The following ITGA9 variants were observed in gnomAD, a reference collection of about 807,000 sequenced individuals.
ITGA9 encodes the protein integrin alpha-9.
ITGA9 carries 56 observed loss-of-function variants against 127.8 expected under a neutral mutation model. The observed-to-expected ratio is 0.44, with a 90% CI of 0.35 to 0.55. ITGA9 has a LOEUF of 0.55. Ranked by LOEUF, ITGA9 falls within the 20% of genes least tolerant of loss-of-function variation. ITGA9 has a pLI of 0.00. For missense variants in ITGA9, 1,196 were observed against 1,347.1 expected (o/e 0.89, Z 1.76); for synonymous variants, 508 against 514.5 (o/e 0.99, Z 0.17).
At chr3:37,682,272 A>C (rs556527499) in intron 17 of ITGA9, among the ~76,000 whole-genome samples, 1 of 152,154 alleles carries the variant, frequency 6.6e-6, no homozygotes, top group Non-Finnish European at 1.5e-5. Flanking sequence ...CTTTCCTCCC[A>C]TCGTGCCACT....
At chr3:37,573,311 G>C (rs1399877465) in intron 15 of ITGA9, 1 of 152,190 alleles carries the variant, frequency 6.6e-6, no homozygotes, top group East Asian at 1.9e-4. Flanking sequence ...TTCTCATTCA[G>C]ATTCGTGATT....
In ITGA9 at chr3:37,732,812, A is replaced by G. The variant is rs757089026; in HGVS notation, c.2154+14A>G. The G allele has an allele frequency of 6.9e-6, 11 of 1,587,548 alleles. No homozygotes were observed. Among genetic ancestry groups the G allele is most frequent in the Non-Finnish European group, 8.6e-6 (10 of 1,161,464 alleles). On this transcript the variant is annotated intron_variant, in intron 19 of 27. Transcript: ENST00000264741. The stretch of plus-strand genomic sequence containing the variant: ...TCAAAGTCAAAGGTAAGGGACACAG[A>G]CGGGACCCTTCCTCAGCAGCAGGCC...
chr3:37,535,324 A>G (rs1345233354), intron 14 of ITGA9, among the ~76,000 whole-genome samples: 1 of 152,264 alleles, frequency 6.6e-6, no homozygotes, highest in African/African-American at 2.4e-5. Flanking sequence ...ACCAAGATGC[A>G]AGTTAGAGCA....
intron 23 of ITGA9, among the ~76,000 whole-genome samples, chr3:37,752,036 A>C (rs369446155): frequency 1.3e-5 from 2 of 152,320 alleles, no homozygotes; most frequent in East Asian, 1.9e-4. Context: ...CAAGAGTAGA[A>C]GCATAAAAGC....
intron 23 of ITGA9, among the ~76,000 whole-genome samples, chr3:37,764,263 A>G (rs754719822): frequency 1.3e-5 from 2 of 152,004 alleles, no homozygotes; most frequent in East Asian, 1.9e-4. Context: ...TGCTCTCTCC[A>G]TATTCTCCAA....
At chr3:37,573,529 G>C (rs1194510738) in intron 15 of ITGA9, among the ~76,000 whole-genome samples, 1 of 152,144 alleles carries the variant, frequency 6.6e-6, no homozygotes, top group African/African-American at 2.4e-5. Flanking sequence ...GTGTCCCACA[G>C]GTGCATGGTT....
At chr3:37,682,376 A>G (rs1287638688) in intron 17 of ITGA9, among the ~76,000 whole-genome samples, 1 of 152,214 alleles carries the variant, frequency 6.6e-6, no homozygotes, top group Non-Finnish European at 1.5e-5. Flanking sequence ...TGTCTGCCAT[A>G]TTGGACAAAA....
chr3:37,693,717 A>G (rs1700855576), intron 18 of ITGA9, among the ~76,000 whole-genome samples: 1 of 152,184 alleles, frequency 6.6e-6, no homozygotes, highest in African/African-American at 2.4e-5. Flanking sequence ...CAGGAGAACA[A>G]AGCAAATTGT....
At chr3:37,767,102 G>A (rs1696788323) in intron 23 of ITGA9, among the ~76,000 whole-genome samples, 1 of 152,220 alleles carries the variant, frequency 6.6e-6, no homozygotes, top group South Asian at 2.1e-4. Flanking sequence ...AAAGGAAGAG[G>A]GAGGAGGGGA....
intron 17 of ITGA9, among the ~76,000 whole-genome samples, chr3:37,656,240 A>T (rs1275510240): frequency 6.6e-6 from 1 of 152,118 alleles, no homozygotes; most frequent in Non-Finnish European, 1.5e-5. Context: ...AAAGTCAGTT[A>T]TAGCTTGATG....
intron 16 of ITGA9, among the ~76,000 whole-genome samples, chr3:37,639,285 T>C (rs1043818919): frequency 5.9e-5 from 9 of 152,200 alleles, no homozygotes; most frequent in Non-Finnish European, 1.3e-4. Flanking sequence ...AAGACCTCGA[T>C]GAAAAAATAA....
At chr3:37,733,014 T>A in intron 19 of ITGA9, 1 of 567,978 alleles carries the variant, frequency 1.8e-6, no homozygotes, top group Non-Finnish European at 3.2e-6. Context: ...TCTCTTCGAT[T>A]CACATGATGT....
At chr3:37,772,796 C>T (rs1696859969) in intron 23 of ITGA9, among the ~76,000 whole-genome samples, 1 of 152,142 alleles carries the variant, frequency 6.6e-6, no homozygotes. Flanking sequence ...TAACCACAGT[C>T]GGGAGCACAA....
Position 37,680,418 on chromosome 3 carries a change from T to C in ITGA9, c.1917-3447T>C, listed in dbSNP as rs185689702. 3.1e-3 allele frequency among the ~76,000 whole-genome samples: 468 copies of C among 152,326 alleles called. 4 individuals carry two copies. Among genetic ancestry groups the C allele is most frequent in the Middle Eastern group, 0.01 (3 of 294 alleles). ...TCTGCCCTGGAAGTTGCCTGGCTGC[T>C]TCCCTTAATCACAGAGCCTTGTTTG... is the stretch of plus-strand genomic sequence containing the variant. On this transcript the variant is annotated intron_variant, in intron 17 of 27. Coordinates refer to ENST00000264741, the MANE Select transcript of ITGA9 (RefSeq NM_002207.3).
At chr3:37,528,179 G>T (rs2125584584) in intron 13 of ITGA9, among the ~76,000 whole-genome samples, 1 of 152,312 alleles carries the variant, frequency 6.6e-6, no homozygotes, top group South Asian at 2.1e-4. Flanking sequence ...TCTTCCTGCT[G>T]TGAGCTTAAT....
At chr3:37,519,872 T>C (rs1699027063) in intron 11 of ITGA9, among the ~76,000 whole-genome samples, 1 of 152,130 alleles carries the variant, frequency 6.6e-6, no homozygotes, top group African/African-American at 2.4e-5. Flanking sequence ...CAGCTTGGTG[T>C]TCAATCTTGC....
intron 24 of ITGA9, among the ~76,000 whole-genome samples, chr3:37,778,438 T>C (rs931064716): frequency 6.6e-6 from 1 of 151,968 alleles, no homozygotes; most frequent in African/African-American, 2.4e-5. Context: ...GCCAACATGG[T>C]GAAACCCTGT....
intron 26 of ITGA9, among the ~76,000 whole-genome samples, chr3:37,793,389 AACACACACACACACACACACACACAC>A (rs10575371): frequency 7.4e-6 from 1 of 134,458 alleles, no homozygotes; most frequent in Admixed American, 7.7e-5. Context: ...CAAACAGGTC[AACACACACACACACACACACACACAC>A]ACACACACAC....
intron 16 of ITGA9, among the ~76,000 whole-genome samples, chr3:37,644,177 C>T (rs1413885994): frequency 6.6e-6 from 1 of 152,178 alleles, no homozygotes; most frequent in Non-Finnish European, 1.5e-5. Flanking sequence ...TAGTCCCAGG[C>T]AGATCCAGGA....
Sources: gnomAD v4.1 joint callset for allele counts (sites outside exome capture counted in the v4.1 genomes callset) on GRCh38, gnomAD v4.1.1 for gene constraint, MANE v1.5 for transcripts, NCBI Gene and HGNC (gene_info 2026-07-23, HGNC 2026-07-21) for gene names.